Variants in RNF10 observed in about 807,000 individuals in gnomAD.
The protein encoded by RNF10 is E3 ubiquitin-protein ligase RNF10.
RNF10 carries 38 observed loss-of-function variants against 91.4 expected under a neutral mutation model. The ratio of observed to expected loss-of-function variants is 0.42; its 90% CI spans 0.32 to 0.54. RNF10 has a LOEUF of 0.54. Ranked by LOEUF, RNF10 falls within the 20% of genes least tolerant of loss-of-function variation. The pLI, the probability that RNF10 is intolerant of heterozygous loss-of-function variation, is 0.16. For synonymous variants in RNF10, 364 were observed against 366.3 expected (o/e 0.99, Z 0.07); for missense variants, 945 against 1,012.0 (o/e 0.93, Z 0.90).
At chr12:120,544,687 G>A (rs1741417652) in intron 1 of RNF10, among the ~76,000 whole-genome samples, 1 of 152,108 alleles carries the variant, frequency 6.6e-6, no homozygotes, top group African/African-American at 2.4e-5. Flanking sequence ...TAATTATTAT[G>A]TTGTTAGAGT....
chr12:120,552,599 G>A lies in RNF10; in HGVS notation c.455G>A (p.Gly152Asp). 6.2e-7 allele frequency: 1 copy of A among 1,614,154 alleles called. No individual in the cohort carries two copies. The highest frequency in any genetic ancestry group is 8.5e-7 in the Non-Finnish European group (1 of 1,179,994). The change falls in exon 3 of 17, where the codon GGC becomes GAC. Residue 152 changes from glycine to aspartate, a missense_variant. Transcript: ENST00000325954. ...HLLNFTFEPRGQTGHFEGSGH... is the reference protein window; with the variant it reads ...HLLNFTFEPRDQTGHFEGSGH... ...TTGAATTTCACTTTTGAACCCCGTG[G>A]CCAGACGGGTCACTTTGAAGGCAGT...
At chr12:120,564,419 T>A (rs1282822751) in intron 10 of RNF10, among the ~76,000 whole-genome samples, 1 of 152,108 alleles carries the variant, frequency 6.6e-6, no homozygotes, top group Non-Finnish European at 1.5e-5. Flanking sequence ...GGCAGATTGC[T>A]TGAGGCTAGG....
chr12:120,548,271 G>A (rs1164779647), intron 2 of RNF10, among the ~76,000 whole-genome samples: 2 of 152,200 alleles, frequency 1.3e-5, no homozygotes, highest in African/African-American at 4.8e-5. Flanking sequence ...AGGTTAGAGA[G>A]CTGTCAGCAT....
Position 120,565,447 on chromosome 12 carries a change from A to G in RNF10, c.1803A>G (p.Lys601=). The stretch of plus-strand genomic sequence containing the variant: ...CTGCAGATGACATTGAGAAGAGGAA[A>G]CGTCAGCGCCAAAAGAAGGCTCGGG... ...EMFSDDIEKR[K]RQRQKKAREE... is the part of the protein sequence containing the mutation. The change falls in exon 12 of 17, where the codon AAA becomes AAG. Residue 601 remains lysine (K), a synonymous_variant. Transcript: ENST00000325954. The G allele has an allele frequency of 6.2e-7, 1 of 1,614,112 alleles. No individual in the cohort carries two copies. Among genetic ancestry groups the G allele is most frequent in the Non-Finnish European group, 8.5e-7 (1 of 1,180,002 alleles).
chr12:120,561,067 T>G (rs1305211304), intron 7 of RNF10, among the ~76,000 whole-genome samples, 181 bp downstream of exon 7: 3 of 152,190 alleles, frequency 2.0e-5, no homozygotes, highest in Non-Finnish European at 4.4e-5. Flanking sequence ...CAATTTGTTT[T>G]GGGCTTTGTT....
chr12:120,562,517 G>T (rs774218292), intron 7 of RNF10, among the ~76,000 whole-genome samples: 4 of 151,766 alleles, frequency 2.6e-5, no homozygotes, highest in Admixed American at 6.6e-5. Flanking sequence ...CAGGTGATCC[G>T]CCCACCTCAG....
In RNF10 at chr12:120,576,682, C is replaced by T. The variant is rs1178637481; in HGVS notation, c.*16C>T. The T allele has an allele frequency of 1.3e-6, 2 of 1,598,334 alleles. No individual in the cohort carries two copies. Among genetic ancestry groups the T allele is most frequent in the Non-Finnish European group, 1.7e-6 (2 of 1,175,744 alleles). On this transcript the variant is annotated 3_prime_UTR_variant, in exon 17 of 17. Coordinates refer to ENST00000325954, the MANE Select transcript of RNF10 (RefSeq NM_014868.5). ...CACCAAGTGACACTACTGGCCCAGG[C>T]TACCTTCTCCATCTGGTTTTTGTTT... is the stretch of plus-strand genomic sequence containing the variant.
At chr12:120,559,176 C>CTTTTTTTTTTTTTTTTTTTTTTTTTTTTT (rs34120761) in intron 6 of RNF10, among the ~76,000 whole-genome samples, 1 of 95,808 alleles carries the variant, frequency 1.0e-5, no homozygotes, top group African/African-American at 5.5e-5. Flanking sequence ...TTGAACTACT[C>CTTTTTTTTTTTTTTTTTTTTTTTTTTTTT]TTTTTTTTTT....
intron 13 of RNF10, among the ~76,000 whole-genome samples, chr12:120,569,165 C>T (rs1876217796): frequency 6.6e-6 from 1 of 152,106 alleles, no homozygotes; most frequent in African/African-American, 2.4e-5. Flanking sequence ...GACAGGGTTT[C>T]TCCATGTTGG....
chr12:120,536,527 A>G (rs777431974), intron 1 of RNF10, among the ~76,000 whole-genome samples: 36 of 152,294 alleles, frequency 2.4e-4, no homozygotes, highest in Non-Finnish European at 4.9e-4. Flanking sequence ...GGATATGGCA[A>G]ACTTGTTTAC....
rs1248500465 is a variant in RNF10, at chr12:120,566,857, C to G, written c.1918C>G (p.Gln640Glu). 2 of 1,613,830 alleles carry G rather than the reference C, an allele frequency of 1.2e-6. No homozygotes were observed. Among genetic ancestry groups the G allele is most frequent in the South Asian group, 2.2e-5 (2 of 91,054 alleles). ...AGTCCACATTCCCCTCGAGAATCTA[C>G]AGCAGTTTCCTGCCTTCAATTCTTA... ...PEVHIPLENL[Q>E]QFPAFNSYTC... The change falls in exon 13 of 17, where the codon CAG becomes GAG. Residue 640 changes from glutamine (Q) to glutamate (E), a missense_variant. Coordinates refer to ENST00000325954, the MANE Select transcript of RNF10 (RefSeq NM_014868.5).
chr12:120,574,168 T>G (rs1877056384), intron 14 of RNF10, among the ~76,000 whole-genome samples: 1 of 152,076 alleles, frequency 6.6e-6, no homozygotes, highest in South Asian at 2.1e-4. Flanking sequence ...TTCACCAAAG[T>G]GGAACATAAT....
At chr12:120,566,269 A>G (rs59211409) in intron 12 of RNF10, among the ~76,000 whole-genome samples, 7,667 of 152,280 alleles carry the variant, frequency 0.05, 660 homozygotes, top group African/African-American at 0.17. Flanking sequence ...TTATTATGGA[A>G]ATATCAAGAC....
chr12:120,554,998 G>A (rs1288443281), intron 4 of RNF10, among the ~76,000 whole-genome samples, 190 bp downstream of exon 4: 1 of 152,196 alleles, frequency 6.6e-6, no homozygotes, highest in Admixed American at 6.5e-5. Flanking sequence ...GCTCTGGCCT[G>A]TAGGGATGGT....
rs138783662 is a variant in RNF10 at position 120,564,710 on chromosome 12, C to T, written c.1666-362C>T. 1.8e-3 allele frequency among the ~76,000 whole-genome samples: 275 copies of T among 152,248 alleles called. 1 individual carries two copies. The highest frequency in any genetic ancestry group is 5.9e-3 in the African/African-American group (247 of 41,542). On this transcript the variant is annotated intron_variant, in intron 10 of 16. Transcript: ENST00000325954. ...CAGTTATTTATTCTGTCAGTGGTTC[C>T]CAGGTTTTTTTCTGTTCTGTTTTTC...
chr12:120,575,853 C>G lies in RNF10; in HGVS notation c.2262C>G (p.Asp754Glu), dbSNP rs375902863. ...VDSDGESDNS[D>E]RVPVPSFQNS... ...GCGACGGGGAGAGTGATAATTCAGA[C>G]CGTGTTCCTGTGCCCAGTTTTCAAA... The change falls in exon 16 of 17, where the codon GAC becomes GAG. Residue 754 changes from aspartate (D) to glutamate (E), a missense_variant. Physicochemically the swap from Asp to Glu is conservative, Grantham distance 45. Coordinates refer to ENST00000325954, the MANE Select transcript of RNF10 (RefSeq NM_014868.5). 6 of 1,614,076 alleles carry G rather than the reference C, an allele frequency of 3.7e-6. No individual in the cohort carries two copies. The African/African-American group carries it at 8.0e-5, about 22-fold the overall frequency.
In RNF10 at chr12:120,534,782, C is replaced by T; in HGVS notation, c.-30C>T. 1 of 1,541,748 alleles carries T rather than the reference C, an allele frequency of 6.5e-7. No homozygotes were observed. The highest frequency in any genetic ancestry group is 8.7e-7 in the Non-Finnish European group (1 of 1,151,208). The stretch of plus-strand genomic sequence containing the variant: ...GGTCCCCGCCGCGCCCGCTCCGCTC[C>T]GACTGCCGTCGCCGCCGAGGCCCCC... On this transcript the variant is annotated 5_prime_UTR_variant, in exon 1 of 17. Transcript: ENST00000325954.
chr12:120,544,088 G>A (rs1371473943), intron 1 of RNF10, among the ~76,000 whole-genome samples: 5 of 151,698 alleles, frequency 3.3e-5, no homozygotes, highest in Non-Finnish European at 5.9e-5. Context: ...TTAGCCAGGC[G>A]TGGTGGCTCA....
intron 2 of RNF10, among the ~76,000 whole-genome samples, chr12:120,550,757 C>T (rs147386656): frequency 0.031 from 4,773 of 151,892 alleles, 117 homozygotes; most frequent in Non-Finnish European, 0.048. Context: ...CCACCATGCC[C>T]AGCTAATTTT....
Sources: allele counts gnomAD v4.1 joint callset (sites outside exome capture counted in the v4.1 genomes callset), GRCh38; gene constraint gnomAD v4.1.1; transcripts MANE v1.5; gene names NCBI Gene and HGNC (gene_info 2026-07-23, HGNC 2026-07-21).